CRADD: variants seen among roughly 807,000 people sequenced by gnomAD.
CRADD encodes the protein CARD and death domain containing adaptor protein.
In CRADD, 9 loss-of-function variants were observed where a neutral mutation model predicts 15.5. That is an observed-to-expected ratio of 0.58 (90% CI 0.35 to 1.01). The LOEUF is 1.01. Among genes scored for constraint, CRADD ranks in the 50% least tolerant of loss-of-function variants. The pLI, the probability that CRADD is intolerant of heterozygous loss-of-function variation, is 0.02. For synonymous variants in CRADD, 118 were observed against 107.6 expected (o/e 1.10, Z -0.60); for missense variants, 227 against 250.3 (o/e 0.91, Z 0.63).
In CRADD at chr12:93,850,396, A is replaced by G. The variant is rs147660640; in HGVS notation, c.*125A>G. 145 of 1,400,504 alleles carry G rather than the reference A, an allele frequency of 1.0e-4. No homozygotes were observed. The African/African-American group carries it at 1.9e-3, about 18-fold the overall frequency. 86.8% of individuals were successfully genotyped at this position (1,400,504 alleles called of 1,614,324 possible). On this transcript the variant is annotated 3_prime_UTR_variant, in exon 3 of 3. Coordinates refer to ENST00000332896, the MANE Select transcript of CRADD (RefSeq NM_003805.5). This position sits in a 1 kb window ranked among gnomAD's most constrained non-coding sequence, Gnocchi z 4.0. ...TTATTTTTGATGATCTTCAGATGGAAGGAGAAAACAGGGTTTCCACTAGAC... is the reference window on the plus strand; with the variant it reads ...TTATTTTTGATGATCTTCAGATGGAGGGAGAAAACAGGGTTTCCACTAGAC...
At chr12:93,792,347 A>G (rs190425061) in intron 2 of CRADD, among the ~76,000 whole-genome samples, 39 of 152,312 alleles carry the variant, frequency 2.6e-4, no homozygotes. Flanking sequence ...AACATTTTCT[A>G]TGGCTGGCCT....
At chr12:93,881,050 C>G (rs1958496078) in intron 2 of CRADD, among the ~76,000 whole-genome samples, 1 of 152,224 alleles carries the variant, frequency 6.6e-6, no homozygotes, top group African/African-American at 2.4e-5. Context: ...AGCCAACTCC[C>G]AGTTCCAAGA....
chr12:93,865,241 C>T (rs897431433), intron 2 of CRADD, among the ~76,000 whole-genome samples: 2 of 152,130 alleles, frequency 1.3e-5, no homozygotes, highest in African/African-American at 4.8e-5. Flanking sequence ...CTTCCCCACT[C>T]CCCCAACCCC....
At chr12:93,688,656 G>A (rs1476091920) in intron 2 of CRADD, among the ~76,000 whole-genome samples, 1 of 152,174 alleles carries the variant, frequency 6.6e-6, no homozygotes, top group Non-Finnish European at 1.5e-5. Context: ...ATAACTTGAT[G>A]AGGGAGGTGG....
intron 2 of CRADD, among the ~76,000 whole-genome samples, chr12:93,785,857 T>C (rs1957272636): frequency 2.0e-5 from 3 of 152,218 alleles, no homozygotes; most frequent in Admixed American, 1.3e-4. Flanking sequence ...CGTGACCCTT[T>C]GGCCTTAAAT....
chr12:93,851,813 A>G (rs1958225226), downstream of CRADD, among the ~76,000 whole-genome samples: 1 of 152,228 alleles, frequency 6.6e-6, no homozygotes, highest in African/African-American at 2.4e-5. Flanking sequence ...GGAGAAAAAA[A>G]TCATGTTTTT....
intron 2 of CRADD, among the ~76,000 whole-genome samples, chr12:93,832,230 A>C (rs1957913354): frequency 6.6e-6 from 1 of 152,150 alleles, no homozygotes; most frequent in South Asian, 2.1e-4. Flanking sequence ...CTCTCTTCCT[A>C]GGATGCTAAT....
At chr12:93,724,378 CAAAA>C (rs58599421) in intron 2 of CRADD, among the ~76,000 whole-genome samples, 5 of 131,948 alleles carry the variant, frequency 3.8e-5, no homozygotes, top group Non-Finnish European at 3.3e-5. Flanking sequence ...GACCCTGTCT[CAAAA>C]AAAAAAAAAA....
chr12:93,793,557 C>T (rs1188296186), intron 2 of CRADD, among the ~76,000 whole-genome samples: 1 of 152,180 alleles, frequency 6.6e-6, no homozygotes, highest in Non-Finnish European at 1.5e-5. Flanking sequence ...GGAATTTTCT[C>T]AGTGAGAGCA....
chr12:93,702,338 G>A (rs1484301292), intron 2 of CRADD, among the ~76,000 whole-genome samples: 1 of 151,642 alleles, frequency 6.6e-6, no homozygotes, highest in Non-Finnish European at 1.5e-5. Context: ...ATATAAGGGA[G>A]CTGGCCTAGG....
At chr12:93,795,034 ACT>A (rs1311163940) in intron 2 of CRADD, among the ~76,000 whole-genome samples, 11 of 151,730 alleles carry the variant, frequency 7.2e-5, no homozygotes, top group Non-Finnish European at 1.2e-4. Flanking sequence ...CCCAGGCCAC[ACT>A]CTATCTCATA....
At chr12:93,810,319 C>T (rs780641046) in intron 2 of CRADD, among the ~76,000 whole-genome samples, 4 of 151,892 alleles carry the variant, frequency 2.6e-5, no homozygotes, top group African/African-American at 7.3e-5. Flanking sequence ...GAGACCGAGG[C>T]GGGCGGATCA....
intron 2 of CRADD, among the ~76,000 whole-genome samples, chr12:93,825,049 AT>A (rs1308178490): frequency 1.3e-5 from 2 of 152,226 alleles, no homozygotes; most frequent in Non-Finnish European, 2.9e-5. Flanking sequence ...CCCCAAAACT[AT>A]TTGATGAGGG....
At chr12:93,843,468 C>G (rs1305050345) in intron 2 of CRADD, among the ~76,000 whole-genome samples, 1 of 150,994 alleles carries the variant, frequency 6.6e-6, no homozygotes, top group Non-Finnish European at 1.5e-5. Flanking sequence ...CAACCTCCGC[C>G]TCCCAGAGTC....
chr12:93,740,089 A>G (rs1385290820), intron 2 of CRADD, among the ~76,000 whole-genome samples: 1 of 152,200 alleles, frequency 6.6e-6, no homozygotes, highest in South Asian at 2.1e-4. Flanking sequence ...ATTCAAAAAT[A>G]TATAGAAGTA....
At chr12:93,737,209 G>A (rs1956586312) in intron 2 of CRADD, among the ~76,000 whole-genome samples, 1 of 152,162 alleles carries the variant, frequency 6.6e-6, no homozygotes, top group Non-Finnish European at 1.5e-5. Flanking sequence ...GTGCAGAGAT[G>A]TCCAAGTACT....
intron 2 of CRADD, among the ~76,000 whole-genome samples, chr12:93,784,385 C>A: frequency 6.6e-6 from 1 of 152,004 alleles, no homozygotes; most frequent in East Asian, 1.9e-4. Flanking sequence ...CTGAGGTGGC[C>A]GCAGCACAGA....
chr12:93,696,619 G>A (rs746873683), intron 2 of CRADD, among the ~76,000 whole-genome samples: 3 of 151,122 alleles, frequency 2.0e-5, no homozygotes, highest in Non-Finnish European at 4.4e-5. Context: ...AGAATGCAAA[G>A]GTTAGTTAGA....
intron 2 of CRADD, among the ~76,000 whole-genome samples, chr12:93,868,731 G>A (rs979338561): frequency 1.3e-4 from 19 of 150,604 alleles, no homozygotes; most frequent in African/African-American, 4.4e-4. Context: ...ACCAAAAATA[G>A]GCACAAACTG....
Sources: gnomAD v4.1 joint callset for allele counts (sites outside exome capture counted in the v4.1 genomes callset) on GRCh38, gnomAD v4.1.1 for gene constraint, Gnocchi (gnomAD v3.1) non-coding constraint, MANE v1.5 for transcripts, NCBI Gene and HGNC (gene_info 2026-07-23, HGNC 2026-07-21) for gene names.